Variants in FHIT observed in about 807,000 individuals in gnomAD.
FHIT encodes the protein fragile histidine triad diadenosine triphosphatase.
FHIT carries 19 observed loss-of-function variants against 17.9 expected under a neutral mutation model. The ratio of observed to expected loss-of-function variants is 1.06; its 90% CI spans 0.74 to 1.56. The LOEUF (loss-of-function observed/expected upper bound fraction) is 1.56, where lower values mean the gene tolerates loss of function less well. Among genes scored for constraint, FHIT ranks in the 40% most tolerant of loss-of-function variants. The pLI is 0.00. For synonymous variants in FHIT, 81 were observed against 69.7 expected (o/e 1.16, Z -0.81); for missense variants, 248 against 189.2 (o/e 1.31, Z -1.82).
chr3:60,210,794 G>A (rs1703414709), intron 5 of FHIT, among the ~76,000 whole-genome samples: 1 of 151,976 alleles, frequency 6.6e-6, no homozygotes, highest in Admixed American at 6.6e-5. Context: ...TATAGTTGTG[G>A]TATAAATACA....
At chr3:59,918,970 TAC>T (rs1366716354) in intron 8 of FHIT, among the ~76,000 whole-genome samples, 1 of 152,082 alleles carries the variant, frequency 6.6e-6, no homozygotes, top group Non-Finnish European at 1.5e-5. Flanking sequence ...AAAAAATAAA[TAC>T]AGTGTGGTTT....
intron 1 of FHIT, among the ~76,000 whole-genome samples, chr3:61,216,746 A>G (rs902908396): frequency 6.6e-6 from 1 of 152,208 alleles, no homozygotes; most frequent in South Asian, 2.1e-4. Context: ...AACCGACCCA[A>G]ATGTCCAACA....
chr3:59,977,853 C>G (rs1343743021), intron 7 of FHIT, among the ~76,000 whole-genome samples: 1 of 152,060 alleles, frequency 6.6e-6, no homozygotes, highest in African/African-American at 2.4e-5. Flanking sequence ...AAATGATAGA[C>G]ACATTAAAAG....
At chr3:60,429,823 G>A (rs1702808826) in intron 5 of FHIT, among the ~76,000 whole-genome samples, 1 of 152,080 alleles carries the variant, frequency 6.6e-6, no homozygotes, top group African/African-American at 2.4e-5. Context: ...AGGTGTGGAA[G>A]CATAGGTACT....
At chr3:60,440,631 A>C (rs2030714318) in intron 5 of FHIT, among the ~76,000 whole-genome samples, 1 of 152,094 alleles carries the variant, frequency 6.6e-6, no homozygotes, top group South Asian at 2.1e-4. Flanking sequence ...CATTTATGTC[A>C]AATTTCCAAT....
chr3:60,435,816 G>A (rs567645329), intron 5 of FHIT, among the ~76,000 whole-genome samples: 6 of 152,110 alleles, frequency 3.9e-5, no homozygotes, highest in African/African-American at 1.4e-4. Context: ...CACACTCCGT[G>A]TTCTGACAAC....
intron 5 of FHIT, among the ~76,000 whole-genome samples, chr3:60,512,976 A>G (rs1043254363): frequency 1.3e-5 from 2 of 152,240 alleles, no homozygotes; most frequent in East Asian, 3.8e-4. Context: ...CAACTGAGAA[A>G]GCAAATTGAG....
At chr3:60,055,034 A>T (rs1216582998) in intron 5 of FHIT, among the ~76,000 whole-genome samples, 1 of 152,152 alleles carries the variant, frequency 6.6e-6, no homozygotes, top group African/African-American at 2.4e-5. Flanking sequence ...CAGGAAAAAA[A>T]ATACCCTGTC....
chr3:60,781,358 C>T (rs534903608), intron 4 of FHIT, among the ~76,000 whole-genome samples: 3 of 152,038 alleles, frequency 2.0e-5, no homozygotes, highest in Non-Finnish European at 2.9e-5. Flanking sequence ...TATTTCTGCA[C>T]CAGTCAAGAA....
intron 5 of FHIT, among the ~76,000 whole-genome samples, chr3:60,169,348 G>A (rs139917468): frequency 4.7e-4 from 72 of 152,228 alleles, no homozygotes; most frequent in African/African-American, 1.3e-3. Flanking sequence ...AAACTAGGTA[G>A]AAATAAACAT....
chr3:59,789,116 A>G (rs974258079), intron 8 of FHIT, among the ~76,000 whole-genome samples: 4 of 152,152 alleles, frequency 2.6e-5, no homozygotes, highest in Admixed American at 2.6e-4. Flanking sequence ...TAAAATGACT[A>G]TGACAACAAT....
chr3:60,672,871 TA>T, intron 4 of FHIT, among the ~76,000 whole-genome samples: 1 of 15,938 alleles, frequency 6.3e-5, no homozygotes, highest in Admixed American at 4.7e-4. Flanking sequence ...TACCTCTTTG[TA>T]GCGTGTGTGT....
At chr3:59,789,517 C>T (rs1012360842) in intron 8 of FHIT, among the ~76,000 whole-genome samples, 2 of 152,188 alleles carry the variant, frequency 1.3e-5, no homozygotes, top group Non-Finnish European at 1.5e-5. Context: ...ATCTTATTCT[C>T]ACTTAACTCA....
chr3:61,176,819 C>T (rs2107152486), intron 2 of FHIT, among the ~76,000 whole-genome samples: 1 of 152,288 alleles, frequency 6.6e-6, no homozygotes, highest in Middle Eastern at 3.4e-3. Context: ...AGTCCGTGTT[C>T]TAGCTGAGAG....
chr3:60,486,273 G>C (rs2033836277), intron 5 of FHIT, among the ~76,000 whole-genome samples: 1 of 152,060 alleles, frequency 6.6e-6, no homozygotes, highest in Admixed American at 6.6e-5. Context: ...TTTTGTTTTT[G>C]TTTTTTAATT....
At chr3:60,571,338 A>T (rs13083532) in intron 4 of FHIT, among the ~76,000 whole-genome samples, 2,811 of 28,102 alleles carry the variant, frequency 0.1, 7 homozygotes, top group East Asian at 0.2. Context: ...TCCATCGCAA[A>T]AAAAAAAAAA....
At chr3:60,250,331 G>C (rs1431585916) in intron 5 of FHIT, among the ~76,000 whole-genome samples, 1 of 152,168 alleles carries the variant, frequency 6.6e-6, no homozygotes, top group African/African-American at 2.4e-5. Flanking sequence ...GATAAAAATA[G>C]TCTGAGCAAT....
chr3:60,974,553 T>A (rs1463293271), intron 3 of FHIT, among the ~76,000 whole-genome samples: 1 of 152,200 alleles, frequency 6.6e-6, no homozygotes, highest in Non-Finnish European at 1.5e-5. Context: ...GTTACATGAA[T>A]CAATAAATGC....
At chr3:60,336,057 G>T (rs1212007818) in intron 5 of FHIT, among the ~76,000 whole-genome samples, 1 of 152,140 alleles carries the variant, frequency 6.6e-6, no homozygotes, top group Admixed American at 6.5e-5. Flanking sequence ...CAAGCAAGAA[G>T]CTGTTTTTCC....
Sources: allele counts gnomAD v4.1 joint callset (sites outside exome capture counted in the v4.1 genomes callset), GRCh38; gene constraint gnomAD v4.1.1; transcripts MANE v1.5; gene names NCBI Gene and HGNC (gene_info 2026-07-23, HGNC 2026-07-21).